Variants in TNIK observed in about 807,000 individuals in gnomAD.
TNIK encodes TRAF2 and NCK-interacting protein kinase.
In TNIK, 49 loss-of-function variants were observed where a neutral mutation model predicts 191.3. That is an observed-to-expected ratio of 0.26 (90% CI 0.20 to 0.32). The LOEUF (loss-of-function observed/expected upper bound fraction) is 0.32, where lower values mean the gene tolerates loss of function less well. Among genes scored for constraint, TNIK ranks in the 10% least tolerant of loss-of-function variants. The pLI is 1.00. For synonymous variants in TNIK, 594 were observed against 600.9 expected (o/e 0.99, Z 0.17); for missense variants, 1,155 against 1,702.3 (o/e 0.68, Z 5.66).
At chr3:171,238,364 A>G (rs1264246573) in intron 2 of TNIK, among the ~76,000 whole-genome samples, 3 of 152,100 alleles carry the variant, frequency 2.0e-5, no homozygotes, top group African/African-American at 7.2e-5. Flanking sequence ...CAAATATACT[A>G]CATTGTAAAT....
In TNIK at chr3:171,190,698, T is replaced by C. The variant is rs768928930; in HGVS notation, c.507A>G (p.Leu169=). 1.9e-6 allele frequency: 3 copies of C among 1,585,410 alleles called. No individual in the cohort carries two copies. The Admixed American group carries it at 5.4e-5, about 28-fold the overall frequency. Residue 169 remains leucine, a splice_region_variant and synonymous_variant, in exon 6 of 33, where the codon CTA becomes CTG. Transcript: ENST00000436636. ...AGGCTCACAGGATTCTGCTCTTACCTAGTTTAACTTCTGCATTTTCAGTCA... is the reference window on the plus strand; with the variant it reads ...AGGCTCACAGGATTCTGCTCTTACCCAGTTTAACTTCTGCATTTTCAGTCA... The part of the protein sequence containing the change: ...VLLTENAEVK[L]VDFGVSAQLD...
At chr3:171,093,709 C>T (rs988030482) in intron 23 of TNIK, 130 bp downstream of exon 23, 30 of 1,212,158 alleles carry the variant, frequency 2.5e-5, no homozygotes, top group Non-Finnish European at 3.1e-5. Flanking sequence ...TATTTGGAAG[C>T]ACAGGTCCTC....
At chr3:171,435,058 C>T (rs1184105162) in intron 1 of TNIK, among the ~76,000 whole-genome samples, 2 of 152,144 alleles carry the variant, frequency 1.3e-5, no homozygotes, top group Admixed American at 6.6e-5. Flanking sequence ...GGACCTGATA[C>T]GTTTATTCTG....
At chr3:171,459,963 C>G in intron 1 of TNIK, 44 bp downstream of exon 1, 1 of 1,586,324 alleles carries the variant, frequency 6.3e-7, no homozygotes, top group East Asian at 2.3e-5. Flanking sequence ...CCCATTCACC[C>G]TAACCCAAAC....
chr3:171,215,739 A>C (rs1041786477), intron 3 of TNIK, among the ~76,000 whole-genome samples: 13 of 152,228 alleles, frequency 8.5e-5, no homozygotes, highest in African/African-American at 3.1e-4. Flanking sequence ...AAGGGATTTT[A>C]AGTTGCATAT....
chr3:171,321,949 G>A (rs942818944), intron 2 of TNIK, among the ~76,000 whole-genome samples: 3 of 152,176 alleles, frequency 2.0e-5, no homozygotes, highest in African/African-American at 7.2e-5. Context: ...ATTGGTATCA[G>A]GGGACAAAGA....
At chr3:171,347,105 T>C in intron 2 of TNIK, 1 of 1,501,352 alleles carries the variant, frequency 6.7e-7, no homozygotes, top group East Asian at 2.5e-5. Flanking sequence ...TCAGGAACCA[T>C]TTAGGAAATA....
intron 32 of TNIK, among the ~76,000 whole-genome samples, chr3:171,065,533 C>T (rs1016656434): frequency 6.6e-6 from 1 of 152,198 alleles, no homozygotes; most frequent in African/African-American, 2.4e-5. Context: ...CTACTAAAAC[C>T]TCGGGGTTAC....
intron 5 of TNIK, among the ~76,000 whole-genome samples, chr3:171,193,476 T>TATTTCTCAGTGA (rs1246078377): frequency 6.6e-6 from 1 of 152,252 alleles, no homozygotes; most frequent in Non-Finnish European, 1.5e-5. Context: ...TCTTCTTTAA[T>TATTTCTCAGTGA]ATTTCTCAGT....
intron 1 of TNIK, among the ~76,000 whole-genome samples, chr3:171,376,561 T>G (rs58507289): frequency 2.0e-5 from 3 of 151,934 alleles, no homozygotes; most frequent in African/African-American, 7.3e-5. Flanking sequence ...TACACGTACA[T>G]AGTGATTAGA....
At chr3:171,293,782 T>TGGCAACTCCTGTCAGGGCTGCACATGA (rs1751954685) in intron 2 of TNIK, among the ~76,000 whole-genome samples, 1 of 152,188 alleles carries the variant, frequency 6.6e-6, no homozygotes, top group East Asian at 1.9e-4. Flanking sequence ...ATAACTTGAT[T>TGGCAACTCCTGTCAGGGCTGCACATGA]TAAAGAAAAA....
At chr3:171,250,539 C>A (rs1746109078) in intron 2 of TNIK, among the ~76,000 whole-genome samples, 1 of 152,196 alleles carries the variant, frequency 6.6e-6, no homozygotes, top group South Asian at 2.1e-4. Context: ...TAACCCCTTC[C>A]ATCCTACTTC....
intron 1 of TNIK, 94 bp downstream of exon 1, chr3:171,459,913 T>TGCCCCCCC: frequency 7.6e-6 from 10 of 1,311,244 alleles, no homozygotes; most frequent in Non-Finnish European, 7.4e-6. Context: ...CCCGCTGCTG[T>TGCCCCCCC]CCCCCTGCCC....
chr3:171,426,047 A>G (rs930315249), intron 1 of TNIK, among the ~76,000 whole-genome samples: 2 of 152,106 alleles, frequency 1.3e-5, no homozygotes, highest in Admixed American at 6.5e-5. Context: ...CAGCCATCCC[A>G]TTACTGGGTA....
intron 11 of TNIK, 54 bp downstream of exon 11, chr3:171,161,216 C>A: frequency 6.4e-7 from 1 of 1,566,756 alleles, no homozygotes; most frequent in Non-Finnish European, 8.7e-7. Context: ...GTGAATTTCA[C>A]ACAAGCACAA....
At chr3:171,167,965 G>A (rs767873040) in intron 9 of TNIK, among the ~76,000 whole-genome samples, 3 of 152,184 alleles carry the variant, frequency 2.0e-5, no homozygotes, top group Non-Finnish European at 4.4e-5. Context: ...CAAGGACTTA[G>A]ACATTTAACT....
chr3:171,179,671 T>C (rs923184916), intron 7 of TNIK, among the ~76,000 whole-genome samples: 4 of 152,038 alleles, frequency 2.6e-5, no homozygotes, highest in East Asian at 1.9e-4. Flanking sequence ...AGGATGGTCT[T>C]GATCTCCTGA....
At chr3:171,421,434 C>G (rs1001895591) in intron 1 of TNIK, among the ~76,000 whole-genome samples, 1 of 152,090 alleles carries the variant, frequency 6.6e-6, no homozygotes, top group African/African-American at 2.4e-5. Context: ...TTCCATAGCC[C>G]CTTCATGGGC....
Position 171,061,462 on chromosome 3 carries a change from C to T in TNIK, c.*2419G>A, listed in dbSNP as rs1717826470. 2 of 152,240 alleles carry T rather than the reference C, an allele frequency of 1.3e-5. No individual in the cohort carries two copies. The highest frequency in any genetic ancestry group is 3.9e-4 in the East Asian group (2 of 5,184). The allele number at this position is 152,240 out of a possible 1,614,324, so 9.4% of individuals were successfully genotyped here. A position where few individuals can be genotyped will look rare whatever the true frequency, so the allele number is the denominator to read the frequency against. ...GTTTTCTTATGATTTGTTTCAATGA[C>T]TCTAGATTTTAAAAAATACATTCAC... is the stretch of plus-strand genomic sequence containing the variant. On this transcript the variant is annotated 3_prime_UTR_variant, in exon 33 of 33. Transcript: ENST00000436636.
Sources: gnomAD v4.1 joint callset for allele counts (sites outside exome capture counted in the v4.1 genomes callset) on GRCh38, gnomAD v4.1.1 for gene constraint, MANE v1.5 for transcripts, NCBI Gene and HGNC (gene_info 2026-07-23, HGNC 2026-07-21) for gene names.